Variants in CYRIB observed in about 807,000 individuals in gnomAD.
CYRIB encodes the protein CYFIP related Rac1 interactor B, also known as CYFIP-related Rac1 interactor B.
In CYRIB, 8 loss-of-function variants were observed where a neutral mutation model predicts 44.2. That is an observed-to-expected ratio of 0.18 (90% CI 0.11 to 0.33). CYRIB has a LOEUF of 0.33. CYRIB is among the 10% of genes least tolerant of loss of function. CYRIB has a pLI of 1.00. For missense variants in CYRIB, 185 were observed against 382.8 expected, an observed-to-expected ratio of 0.48 and a Z score of 4.31; for synonymous variants, 131 against 127.2, an observed-to-expected ratio of 1.03 and a Z score of -0.20.
chr8:129,997,615 T>G (rs1280391530), intron 1 of CYRIB, among the ~76,000 whole-genome samples: 1 of 152,182 alleles, frequency 6.6e-6, no homozygotes, highest in Non-Finnish European at 1.5e-5. Flanking sequence ...TCCTGCAGAA[T>G]TAATTGGTCC....
At chr8:129,893,541 A>C (rs954425136) in intron 2 of CYRIB, among the ~76,000 whole-genome samples, 12 of 152,216 alleles carry the variant, frequency 7.9e-5, no homozygotes, top group Non-Finnish European at 1.6e-4. Context: ...AAAGTATAAA[A>C]AAAAATACTA....
chr8:129,997,886 G>T (rs1431974119), intron 1 of CYRIB, among the ~76,000 whole-genome samples: 1 of 152,126 alleles, frequency 6.6e-6, no homozygotes, highest in African/African-American at 2.4e-5. Context: ...ACTTTGGGAG[G>T]CCGAGGCGGG....
intron 1 of CYRIB, among the ~76,000 whole-genome samples, chr8:129,933,804 G>A (rs920475691): frequency 6.6e-6 from 1 of 151,940 alleles, no homozygotes; most frequent in African/African-American, 2.4e-5. Flanking sequence ...AACCCAGGAG[G>A]CGGAGGTTGT....
At chr8:130,014,529 C>T (rs956905297) in intron 1 of CYRIB, among the ~76,000 whole-genome samples, 6 of 152,226 alleles carry the variant, frequency 3.9e-5, no homozygotes, top group South Asian at 4.1e-4. Flanking sequence ...GTAGCACTTA[C>T]GGGGGTCGGG....
intron 1 of CYRIB, among the ~76,000 whole-genome samples, chr8:129,986,252 T>C (rs980530110): frequency 4.6e-5 from 7 of 152,018 alleles, no homozygotes; most frequent in African/African-American, 1.7e-4. Context: ...GCAGGTGAAG[T>C]GGAGACAGAA....
At chr8:129,967,658 C>T (rs1014263013) in intron 2 of CYRIB, among the ~76,000 whole-genome samples, 1 of 152,156 alleles carries the variant, frequency 6.6e-6, no homozygotes, top group Non-Finnish European at 1.5e-5. Context: ...GGATTACAGG[C>T]GTGAGCCACC....
chr8:129,988,686 G>A (rs531715280), intron 1 of CYRIB, among the ~76,000 whole-genome samples: 1 of 152,234 alleles, frequency 6.6e-6, no homozygotes, highest in East Asian at 1.9e-4. Context: ...GATTACCAAG[G>A]CCCATAATCC....
At chr8:129,952,960 T>C (rs1243139110) in intron 2 of CYRIB, among the ~76,000 whole-genome samples, 2 of 152,354 alleles carry the variant, frequency 1.3e-5, no homozygotes, top group Middle Eastern at 3.4e-3. Flanking sequence ...CGTGTTACTG[T>C]TCTTCATTCC....
intron 1 of CYRIB, among the ~76,000 whole-genome samples, chr8:129,928,315 A>AT (rs1041275910): frequency 6.7e-6 from 1 of 149,046 alleles, no homozygotes; most frequent in African/African-American, 2.5e-5. Context: ...TCTGAACCCC[A>AT]TCTCTTAAGA....
intron 1 of CYRIB, among the ~76,000 whole-genome samples, chr8:129,910,933 T>A (rs929537587): frequency 6.6e-6 from 1 of 152,228 alleles, no homozygotes; most frequent in Non-Finnish European, 1.5e-5. Context: ...GCTGGAATTA[T>A]AGGCATGAGC....
intron 2 of CYRIB, among the ~76,000 whole-genome samples, chr8:129,884,463 T>C (rs2061967144): frequency 1.3e-5 from 2 of 151,994 alleles, no homozygotes; most frequent in Admixed American, 6.6e-5. Context: ...TAATTTTGTA[T>C]TTTTAGTAGA....
At chr8:129,933,249 C>T (rs908457953) in intron 1 of CYRIB, among the ~76,000 whole-genome samples, 2 of 152,164 alleles carry the variant, frequency 1.3e-5, no homozygotes, top group African/African-American at 4.8e-5. Context: ...TCCCTGATCC[C>T]TCTCTGCTCC....
rs567683931 is a variant in CYRIB, at chr8:129,905,762, GA to G, written c.-49-2413del. Among the ~76,000 whole-genome samples the G allele has an allele frequency of 4.6e-4, 70 of 152,190 alleles. No homozygotes were observed. The South Asian group carries it at 0.01, about 22-fold the overall frequency. On this transcript the variant is annotated intron_variant, in intron 1 of 11. Coordinates refer to ENST00000519824, the Ensembl canonical transcript of CYRIB. ...TGCCACTTTGCATAAAATCATGGGGGAAAATTCAATTATTTATTCTTAATAA... is the reference window on the plus strand; with the variant it reads ...TGCCACTTTGCATAAAATCATGGGGGAAATTCAATTATTTATTCTTAATAA...
upstream of CYRIB, among the ~76,000 whole-genome samples, chr8:129,940,360 G>T (rs902651524): frequency 6.6e-6 from 1 of 152,252 alleles, no homozygotes; most frequent in Non-Finnish European, 1.5e-5. Flanking sequence ...GGCGCCCAGC[G>T]CCAGGAGACT....
chr8:130,002,962 G>T (rs1024396372), intron 1 of CYRIB, among the ~76,000 whole-genome samples: 79 of 152,232 alleles, frequency 5.2e-4, no homozygotes, highest in Non-Finnish European at 9.1e-4. Flanking sequence ...CAGGTATGGT[G>T]GCAGGCACCT....
intron 1 of CYRIB, among the ~76,000 whole-genome samples, chr8:130,009,416 A>T (rs2097172893): frequency 6.6e-6 from 1 of 151,956 alleles, no homozygotes; most frequent in Non-Finnish European, 1.5e-5. Context: ...TACAGGTGCC[A>T]GCCAACACGC....
Position 129,842,217 on chromosome 8 carries a change from A to C in CYRIB, c.912-12T>G, listed in dbSNP as rs2036674635. On this transcript the variant is annotated splice_polypyrimidine_tract_variant and intron_variant, in intron 11 of 11. Transcript: ENST00000519824. ...GTTTTGTTGTGTACCTAAAAAAAGAAAAGAAAAAAGATCAATTTTAGGAAC... is the reference window on the plus strand; with the variant it reads ...GTTTTGTTGTGTACCTAAAAAAAGACAAGAAAAAAGATCAATTTTAGGAAC... 6.3e-7 allele frequency: 1 copy of C among 1,583,000 alleles called. No homozygotes were observed. Among genetic ancestry groups the C allele is most frequent in the African/African-American group, 1.3e-5 (1 of 74,264 alleles).
At chr8:129,930,580 C>T (rs551031215) in intron 1 of CYRIB, among the ~76,000 whole-genome samples, 57 of 151,534 alleles carry the variant, frequency 3.8e-4, no homozygotes, top group Admixed American at 6.6e-4. Context: ...TGCCACATAC[C>T]AAAGACTGAA....
intron 7 of CYRIB, among the ~76,000 whole-genome samples, chr8:129,852,980 A>G (rs1291553542): frequency 6.6e-6 from 1 of 152,224 alleles, no homozygotes; most frequent in Middle Eastern, 3.2e-3. Flanking sequence ...TCGTGGGCAG[A>G]TTGTACCAAA....
Sources: allele counts gnomAD v4.1 joint callset (sites outside exome capture counted in the v4.1 genomes callset), GRCh38; gene constraint gnomAD v4.1.1; transcripts MANE v1.5; gene names NCBI Gene and HGNC (gene_info 2026-07-23, HGNC 2026-07-21).